PDE4A: variants seen among roughly 807,000 people sequenced by gnomAD.
PDE4A encodes the protein 3',5'-cyclic-AMP phosphodiesterase 4A.
Under a neutral mutation model 73.9 loss-of-function variants are expected in PDE4A, and 21 were observed. The observed-to-expected ratio is 0.28, with a 90% CI of 0.20 to 0.41. PDE4A has a LOEUF of 0.41. PDE4A is among the 10% of genes least tolerant of loss of function. The pLI, the probability that PDE4A is intolerant of heterozygous loss-of-function variation, is 1.00. For synonymous variants in PDE4A, 463 were observed against 505.4 expected, an observed-to-expected ratio of 0.92 and a Z score of 1.13; for missense variants, 958 against 1,211.4, an observed-to-expected ratio of 0.79 and a Z score of 3.10.
chr19:10,461,491 G>T, intron 11 of PDE4A, 35 bp from the exon 12 acceptor site: 1 of 1,609,194 alleles, frequency 6.2e-7, no homozygotes, highest in Non-Finnish European at 8.5e-7. Flanking sequence ...AGCTGCACAC[G>T]TGGGCCCTCC....
At chr19:10,457,730 T>C in intron 7 of PDE4A, 149 bp from the exon 8 acceptor site, 2 of 1,424,352 alleles carry the variant, frequency 1.4e-6, no homozygotes, top group Non-Finnish European at 1.8e-6. Flanking sequence ...TCTGGTTTCC[T>C]GACTCTGAGT....
At chr19:10,418,670 C>T (rs911550037), upstream of PDE4A, 1 of 706,354 alleles carries the variant, frequency 1.4e-6, no homozygotes, top group African/African-American at 1.9e-5. Flanking sequence ...ATCAGTTTAT[C>T]CCCCAGCTCA....
In PDE4A at chr19:10,421,050, G is replaced by A. The variant is rs759718061; in HGVS notation, c.286G>A (p.Gly96Ser). The A allele has an allele frequency of 1.0e-5, 14 of 1,389,064 alleles. No homozygotes were observed. Among genetic ancestry groups the A allele is most frequent in the Non-Finnish European group, 1.3e-5 (14 of 1,081,482 alleles). The allele number at this position is 1,389,064 out of a possible 1,614,324, so 86.0% of individuals were successfully genotyped here. A position where few individuals can be genotyped will look rare whatever the true frequency, so the allele number is the denominator to read the frequency against. ...CTCGTCCTTCCATGGCACTGGCACC[G>A]GCAGCGGCGGCGCGGGCGGAGGCAG... is the stretch of plus-strand genomic sequence containing the variant. Reference protein sequence around the residue: ...WPSSFHGTGTGSGGAGGGSSR... With the variant: ...WPSSFHGTGTSSGGAGGGSSR... The change falls in exon 1 of 15, where the codon GGC (glycine) becomes AGC (serine). Residue 96 changes from glycine to serine, a missense_variant. Physicochemically the swap from Gly to Ser is moderately conservative, Grantham distance 56. Around this residue, in one of 3 missense-constraint regions of PDE4A, gnomAD observed 570 missense variants for 827.7 expected, o/e 0.69. Coordinates refer to ENST00000380702, the MANE Select transcript of PDE4A (RefSeq NM_001111307.2).
intron 1 of PDE4A, among the ~76,000 whole-genome samples, chr19:10,426,737 C>T (rs549727721): frequency 3.3e-5 from 5 of 151,308 alleles, no homozygotes; most frequent in Non-Finnish European, 5.9e-5. Context: ...GCTGGGCGCA[C>T]GCCTGCAATC....
chr19:10,417,580 T>C, upstream of PDE4A: 1 of 1,488,520 alleles, frequency 6.7e-7, no homozygotes, highest in Non-Finnish European at 8.9e-7. Context: ...CTTAGACAGC[T>C]AGGTAGGGGT....
At chr19:10,432,793 A>G (rs2042813382) in intron 1 of PDE4A, among the ~76,000 whole-genome samples, 1 of 152,060 alleles carries the variant, frequency 6.6e-6, no homozygotes, top group Admixed American at 6.5e-5. Flanking sequence ...ATTCCTGCCT[A>G]TCCAAGGTAG....
At chr19:10,440,115 C>G (rs901568953) in intron 1 of PDE4A, among the ~76,000 whole-genome samples, 27 of 149,650 alleles carry the variant, frequency 1.8e-4, no homozygotes, top group African/African-American at 6.6e-4. Flanking sequence ...CTCCCAAGTA[C>G]CTGGGATTAT....
intron 1 of PDE4A, among the ~76,000 whole-genome samples, chr19:10,439,358 T>C (rs1301125204): frequency 6.6e-6 from 1 of 151,980 alleles, no homozygotes; most frequent in East Asian, 1.9e-4. Flanking sequence ...ATTTTTGTAT[T>C]TTTAGTAGAG....
intron 14 of PDE4A, chr19:10,464,398 C>T: frequency 2.2e-6 from 1 of 455,246 alleles, no homozygotes; most frequent in Non-Finnish European, 4.4e-6. Flanking sequence ...GCCCAGCCTC[C>T]TGTTTTTCTT....
intron 1 of PDE4A, among the ~76,000 whole-genome samples, chr19:10,443,049 C>T (rs983532698): frequency 4.6e-5 from 7 of 151,514 alleles, no homozygotes; most frequent in South Asian, 2.1e-4. Context: ...TGTGGTGGCA[C>T]GTGCCTATAG....
chr19:10,424,616 T>C lies in PDE4A; in HGVS notation c.320+3532T>C, dbSNP rs1278061406. 6.6e-6 allele frequency among the ~76,000 whole-genome samples: 1 copy of C among 152,168 alleles called. No individual in the cohort carries two copies. Among genetic ancestry groups the C allele is most frequent in the East Asian group, 1.9e-4 (1 of 5,188 alleles). On this transcript the variant is annotated intron_variant, in intron 1 of 14. Transcript: ENST00000380702. This position sits in a 1 kb window ranked among gnomAD's most constrained non-coding sequence, Gnocchi z 4.8. ...GCGCCCGGTATTATTATTTTATGCT[T>C]ATTGAGCGTCCTGGAGAGCGGGCGC...
Position 10,449,038 on chromosome 19 carries a change from C to T in PDE4A, c.550-42C>T, listed in dbSNP as rs1026435869. ...GGGACAGGGCCCAGCCCCGCTGCCT[C>T]TCTAGGGGAACCCCACTCCTCACTG... On this transcript the variant is annotated intron_variant, in intron 3 of 14. Transcript: ENST00000380702. 1.9e-6 allele frequency: 3 copies of T among 1,612,102 alleles called. No individual in the cohort carries two copies. The South Asian group carries it at 3.3e-5, about 18-fold the overall frequency.
intron 14 of PDE4A, chr19:10,464,309 G>A (rs937336601): frequency 5.4e-5 from 24 of 448,240 alleles, no homozygotes; most frequent in Non-Finnish European, 1.0e-4. Context: ...TGTTGGCCAG[G>A]CTGGTCTTGA....
At chr19:10,456,972 C>T (rs951835925) in intron 7 of PDE4A, among the ~76,000 whole-genome samples, 6 of 151,862 alleles carry the variant, frequency 4.0e-5, no homozygotes, top group Admixed American at 2.0e-4. Context: ...CCGAGGCAGG[C>T]GGATCACTTG....
chr19:10,442,662 A>G (rs2145510238), intron 1 of PDE4A, among the ~76,000 whole-genome samples: 1 of 150,472 alleles, frequency 6.6e-6, no homozygotes, highest in East Asian at 1.9e-4. Context: ...ATCCTGGGCA[A>G]CATATTACTA....
upstream of PDE4A, chr19:10,419,911 C>A (rs1367120866): frequency 6.5e-6 from 1 of 152,800 alleles, no homozygotes; most frequent in East Asian, 1.9e-4. Flanking sequence ...CACAGTTATA[C>A]ACACAGCCAA....
intron 1 of PDE4A, among the ~76,000 whole-genome samples, chr19:10,426,276 C>T (rs895094263): frequency 7.2e-5 from 11 of 152,168 alleles, no homozygotes; most frequent in Non-Finnish European, 1.5e-4. Flanking sequence ...TCGTTCATTC[C>T]ACAAACACTG....
intron 1 of PDE4A, among the ~76,000 whole-genome samples, chr19:10,428,142 A>T (rs2042741166): frequency 6.6e-6 from 1 of 152,158 alleles, no homozygotes; most frequent in African/African-American, 2.4e-5. Context: ...ACTTGAGTCC[A>T]GGAGCTCAAG....
intron 1 of PDE4A, among the ~76,000 whole-genome samples, chr19:10,426,379 G>T (rs1246037461): frequency 6.6e-6 from 1 of 152,064 alleles, no homozygotes; most frequent in African/African-American, 2.4e-5. Flanking sequence ...ACACAAATTC[G>T]TAAACTTTCT....
Sources: gnomAD v4.1 joint callset for allele counts (sites outside exome capture counted in the v4.1 genomes callset) on GRCh38, gnomAD v4.1.1 for gene constraint, gnomAD v4.1.1 regional missense constraint, Gnocchi (gnomAD v3.1) non-coding constraint, MANE v1.5 for transcripts, NCBI Gene and HGNC (gene_info 2026-07-23, HGNC 2026-07-21) for gene names.